The following GPX6 variants were observed in gnomAD, a reference collection of about 807,000 sequenced individuals.
GPX6 encodes glutathione peroxidase 6, also known as glutathione peroxidase 6 (olfactory).
In GPX6, 21 loss-of-function variants were observed where a neutral mutation model predicts 20.0. That is an observed-to-expected ratio of 1.05 (90% CI 0.74 to 1.51). The LOEUF (loss-of-function observed/expected upper bound fraction) is 1.51. Among genes scored for constraint, GPX6 ranks in the 40% most tolerant of loss-of-function variants. The pLI, the probability that GPX6 is intolerant of heterozygous loss-of-function variation, is 0.00. For missense variants in GPX6, 233 were observed against 254.7 expected, an observed-to-expected ratio of 0.91 and a Z score of 0.58; for synonymous variants, 75 against 98.0, an observed-to-expected ratio of 0.77 and a Z score of 1.38.
Position 28,504,295 on chromosome 6 carries a change from G to C in GPX6, c.663C>G (p.His221Gln). ...TTCTGTCAGTCGCTAGCCCTTCCTAGTGGGTATTGAACTGCTTTAGGTACT... is the reference window on the plus strand; with the variant it reads ...TTCTGTCAGTCGCTAGCCCTTCCTACTGGGTATTGAACTGCTTTAGGTACT... ...ILEYLKQFNT[H>Q] The change falls in exon 5 of 5, where the codon CAC (histidine) becomes CAG (glutamine). Residue 221 changes from histidine (H) to glutamine (Q), a missense_variant. Coordinates refer to ENST00000361902, the MANE Select transcript of GPX6 (RefSeq NM_182701.1). 6.2e-7 allele frequency: 1 copy of C among 1,613,802 alleles called. No homozygotes were observed. Among genetic ancestry groups the C allele is most frequent in the Non-Finnish European group, 8.5e-7 (1 of 1,179,726 alleles).
chr6:28,512,857 T>TC (rs1356120953), intron 1 of GPX6, among the ~76,000 whole-genome samples: 10 of 151,856 alleles, frequency 6.6e-5, no homozygotes, highest in Admixed American at 3.3e-4. Context: ...ACCGCGAGGC[T>TC]TTGCAGCTTC....
At chr6:28,512,142 C>T (rs565496889) in intron 1 of GPX6, among the ~76,000 whole-genome samples, 69 of 152,340 alleles carry the variant, frequency 4.5e-4, no homozygotes, top group African/African-American at 1.4e-3. Context: ...CCGCCCAGTC[C>T]CATCGGCCAC....
chr6:28,512,769 C>T (rs529898436), intron 1 of GPX6, among the ~76,000 whole-genome samples: 3 of 152,282 alleles, frequency 2.0e-5, no homozygotes, highest in South Asian at 2.1e-4. Flanking sequence ...CAGCTTCACT[C>T]CTGAAGCCAG....
At chr6:28,506,286 C>T in intron 3 of GPX6, 26 bp downstream of exon 3, 1 of 1,361,548 alleles carries the variant, frequency 7.3e-7, no homozygotes, top group Non-Finnish European at 1.1e-6. Flanking sequence ...GACAGGGCAT[C>T]TGCAGGGTCC....
intron 2 of GPX6, among the ~76,000 whole-genome samples, chr6:28,507,834 G>T (rs1762821465): frequency 6.6e-6 from 1 of 151,882 alleles, no homozygotes; most frequent in Non-Finnish European, 1.5e-5. Flanking sequence ...CTCCCAAAGT[G>T]CTGGGATTAC....
chr6:28,510,142 A>T (rs1002599514), intron 2 of GPX6, among the ~76,000 whole-genome samples: 3 of 152,264 alleles, frequency 2.0e-5, no homozygotes, highest in Non-Finnish European at 4.4e-5. Flanking sequence ...GGCAAAAACA[A>T]GGCCACTGCA....
intron 1 of GPX6, among the ~76,000 whole-genome samples, chr6:28,511,683 C>T (rs184647152): frequency 4.7e-4 from 72 of 152,386 alleles, no homozygotes; most frequent in Non-Finnish European, 9.4e-4. Context: ...TGCTAGCAGC[C>T]CTCACAGCCT....
intron 1 of GPX6, among the ~76,000 whole-genome samples, chr6:28,513,609 C>T (rs983404924): frequency 6.6e-6 from 1 of 152,120 alleles, no homozygotes; most frequent in African/African-American, 2.4e-5. Flanking sequence ...CATAAAATAG[C>T]ACAGAGCGGA....
At chr6:28,512,692 C>G (rs578034164) in intron 1 of GPX6, among the ~76,000 whole-genome samples, 2 of 152,206 alleles carry the variant, frequency 1.3e-5, no homozygotes, top group Non-Finnish European at 2.9e-5. Flanking sequence ...TGCAATAAGT[C>G]TTGCTGCTGC....
intron 1 of GPX6, among the ~76,000 whole-genome samples, chr6:28,512,813 C>T (rs756743562): frequency 7.9e-5 from 12 of 152,058 alleles, no homozygotes; most frequent in Non-Finnish European, 1.3e-4. Context: ...GAATGAACAA[C>T]TCCAGACGCG....
At chr6:28,514,053 G>A (rs557750439) in intron 1 of GPX6, among the ~76,000 whole-genome samples, 2 of 152,332 alleles carry the variant, frequency 1.3e-5, no homozygotes, top group South Asian at 2.1e-4. Flanking sequence ...TCATCTATAT[G>A]CCTGCATTCG....
rs961963598 is a variant in GPX6, at chr6:28,508,321, G to A, written c.242-1892C>T. ...GCCTGCTAAATGATACAAAACTGTC[G>A]TTTGGGCTCTAATACCTAGGTCCTG... On this transcript the variant is annotated intron_variant, in intron 2 of 4. Transcript: ENST00000361902. Among the ~76,000 whole-genome samples, 8 of 152,110 alleles carry A rather than the reference G, an allele frequency of 5.3e-5. No individual in the cohort carries two copies. In the East Asian group the frequency reaches 5.8e-4, roughly 11 times the overall value.
At chr6:28,515,527 T>A (rs1763009343) in intron 1 of GPX6, 130 bp downstream of exon 1, 3 of 685,646 alleles carry the variant, frequency 4.4e-6, no homozygotes, top group Non-Finnish European at 7.9e-6. Context: ...AATGTCAGGA[T>A]TTGTGAAGAA....
chr6:28,513,145 C>T (rs780142394), intron 1 of GPX6, among the ~76,000 whole-genome samples: 1 of 152,212 alleles, frequency 6.6e-6, no homozygotes, highest in Non-Finnish European at 1.5e-5. Flanking sequence ...CTGATGAGAG[C>T]TACTTCCACT....
chr6:28,509,381 A>C (rs1366054094), intron 2 of GPX6, among the ~76,000 whole-genome samples: 1 of 151,864 alleles, frequency 6.6e-6, no homozygotes, highest in Non-Finnish European at 1.5e-5. Context: ...AAAAAAAAAA[A>C]AAATTAGCTA....
At chr6:28,505,998 G>C (rs1762802795) in intron 3 of GPX6, among the ~76,000 whole-genome samples, 196 bp from the exon 4 acceptor site, 1 of 152,200 alleles carries the variant, frequency 6.6e-6, no homozygotes, top group Non-Finnish European at 1.5e-5. Flanking sequence ...AGAATTCTAA[G>C]AAAATTGGAA....
At chr6:28,510,251 T>C (rs1228122155) in intron 2 of GPX6, among the ~76,000 whole-genome samples, 1 of 152,212 alleles carries the variant, frequency 6.6e-6, no homozygotes, top group Non-Finnish European at 1.5e-5. Flanking sequence ...CTGCTGCTTC[T>C]TTACCAGTTA....
chr6:28,510,875 G>A lies in GPX6; in HGVS notation c.117C>T (p.Thr39=). 6.2e-7 allele frequency: 1 copy of A among 1,612,192 alleles called. No homozygotes were observed. The highest frequency in any genetic ancestry group is 8.5e-7 in the Non-Finnish European group (1 of 1,178,802). The part of the protein sequence containing the change: ...KVDCNKGVTG[T]IYEYGALTLN... ...GGGTGAGGGCTCCATACTCATAGAT[G>A]GTGCCTGTTACCCCTTTGTTGCAAT... The change falls in exon 2 of 5, where the codon ACC becomes ACT. Residue 39 remains threonine, a synonymous_variant. Transcript: ENST00000361902.
In GPX6 at chr6:28,504,062, C is replaced by T. The variant is rs1762781736; in HGVS notation, c.*230G>A. On this transcript the variant is annotated 3_prime_UTR_variant, in exon 5 of 5. Transcript: ENST00000361902. ...ACACACACACACACCATACATACAC[C>T]TATGCATATACCAACAAATACAATT... The T allele has an allele frequency of 1.8e-6, 1 of 555,902 alleles. No individual in the cohort carries two copies. The highest frequency in any genetic ancestry group is 3.1e-5 in the East Asian group (1 of 31,974). 34.4% of individuals were successfully genotyped at this position (555,902 alleles called of 1,614,324 possible).
Sources: gnomAD v4.1 joint callset for allele counts (sites outside exome capture counted in the v4.1 genomes callset) on GRCh38, gnomAD v4.1.1 for gene constraint, MANE v1.5 for transcripts, NCBI Gene and HGNC (gene_info 2026-07-23, HGNC 2026-07-21) for gene names.